Variants in PCDHA6 observed in about 807,000 individuals in gnomAD.
PCDHA6 encodes the protein protocadherin alpha-6.
Under a neutral mutation model 60.3 loss-of-function variants are expected in PCDHA6, and 55 were observed. That is an observed-to-expected ratio of 0.91 (90% confidence interval 0.73 to 1.14). PCDHA6 has a LOEUF of 1.14. PCDHA6 is among the 50% of genes most tolerant of loss of function. PCDHA6 has a pLI of 0.00. For synonymous variants in PCDHA6, 652 were observed against 557.9 expected, an observed-to-expected ratio of 1.17 and a Z score of -2.38; for missense variants, 1,327 against 1,256.5, an observed-to-expected ratio of 1.06 and a Z score of -0.85.
At position 140,830,439 on chromosome 5, in the gene PCDHA6, TGG is replaced by T. The variant is rs1771067037; in HGVS notation, c.2350_2351del (p.Gly784Ter). 1 of 1,611,042 alleles carries T rather than the reference TGG, an allele frequency of 6.2e-7. No individual in the cohort carries two copies. On this transcript the variant is annotated frameshift_variant, in exon 1 of 4. Transcript: ENST00000529310. LOFTEE classifies it high-confidence loss of function. The stretch of plus-strand genomic sequence containing the variant: ...AGCCTTTCACCTTGTCCTATTATGA[TGG>T]GTAAGGCGGAGAATCAGGATTTAAA...
At chr5:140,875,662 T>C (rs782787124) in intron 1 of PCDHA6, 32 of 1,613,752 alleles carry the variant, frequency 2.0e-5, no homozygotes, top group Non-Finnish European at 2.6e-5. Context: ...GCCGCGCCTG[T>C]TCCGGGTGGC....
intron 1 of PCDHA6, 60 bp downstream of exon 1, chr5:140,830,545 CAT>C: frequency 8.7e-7 from 1 of 1,153,858 alleles, no homozygotes; most frequent in Non-Finnish European, 1.2e-6. Context: ...TTGTTTTCCT[CAT>C]ATTTGTCTTC....
chr5:140,893,863 A>G (rs568224949), intron 1 of PCDHA6, among the ~76,000 whole-genome samples: 1 of 152,300 alleles, frequency 6.6e-6, no homozygotes, highest in African/African-American at 2.4e-5. Context: ...GTATAGAAAC[A>G]ACCCAGATCC....
intron 1 of PCDHA6, among the ~76,000 whole-genome samples, chr5:140,943,736 A>G (rs913454195): frequency 3.3e-5 from 5 of 152,266 alleles, no homozygotes; most frequent in Non-Finnish European, 7.3e-5. Context: ...ATGAAAGTCC[A>G]CAGTCTAAAA....
chr5:141,000,403 A>C (rs1233777704), intron 3 of PCDHA6, among the ~76,000 whole-genome samples: 120 of 84,052 alleles, frequency 1.4e-3, no homozygotes, highest in East Asian at 4.6e-3. Context: ...CTCTATATAT[A>C]TATATATATA....
In PCDHA6 at chr5:140,829,500, CG is replaced by C. The variant is rs1562307699; in HGVS notation, c.1412del (p.Gly471AlafsTer58). ...YTVFVKENNP[P>X]GCHIFTVSAR... is the part of the protein sequence containing the mutation. ...GTGTTCGTGAAGGAGAACAACCCGC[CG>C]GGCTGCCACATCTTCACGGTGTCTG... On this transcript the variant is annotated frameshift_variant, in exon 1 of 4. Transcript: ENST00000529310. LOFTEE classifies it high-confidence loss of function. 6.2e-7 allele frequency: 1 copy of C among 1,613,600 alleles called. No homozygotes were observed. Among genetic ancestry groups the C allele is most frequent in the African/African-American group, 1.3e-5 (1 of 75,056 alleles).
intron 1 of PCDHA6, chr5:140,848,507 A>G: frequency 1.3e-6 from 2 of 1,588,934 alleles, no homozygotes. Flanking sequence ...TGTTATACTC[A>G]AGTCGAGGAG....
intron 1 of PCDHA6, among the ~76,000 whole-genome samples, chr5:140,893,884 G>T (rs189719076): frequency 6.6e-6 from 1 of 152,296 alleles, no homozygotes; most frequent in Non-Finnish European, 1.5e-5. Flanking sequence ...AAAGTGGCCA[G>T]AAAGTTACTT....
intron 1 of PCDHA6, among the ~76,000 whole-genome samples, chr5:140,872,352 C>T (rs568415263): frequency 7.2e-5 from 11 of 152,170 alleles, no homozygotes; most frequent in African/African-American, 2.7e-4. Context: ...TCTTGCCAGG[C>T]AAAGTGGTTC....
intron 1 of PCDHA6, among the ~76,000 whole-genome samples, chr5:140,911,000 C>T (rs139648608): frequency 1.9e-3 from 291 of 152,218 alleles, no homozygotes; most frequent in African/African-American, 6.7e-3. Context: ...ACCCCTAGGG[C>T]CCTCCTGGGA....
At chr5:140,965,033 T>C (rs1563339344) in intron 1 of PCDHA6, among the ~76,000 whole-genome samples, 2 of 152,192 alleles carry the variant, frequency 1.3e-5, no homozygotes, top group African/African-American at 4.8e-5. Flanking sequence ...CCTTTAACTG[T>C]CCGCTCTAGG....
intron 1 of PCDHA6, among the ~76,000 whole-genome samples, chr5:140,909,546 A>T (rs1322878685): frequency 6.6e-6 from 1 of 152,180 alleles, no homozygotes; most frequent in African/African-American, 2.4e-5. Flanking sequence ...TGATGGTGGC[A>T]CTAATCTCTG....
chr5:140,999,747 C>T (rs2097874058), intron 3 of PCDHA6, among the ~76,000 whole-genome samples: 1 of 152,008 alleles, frequency 6.6e-6, no homozygotes, highest in East Asian at 1.9e-4. Flanking sequence ...AATCTGGGTT[C>T]GCAGCACATG....
chr5:140,974,884 T>A (rs1485443373), intron 1 of PCDHA6, among the ~76,000 whole-genome samples: 1 of 152,240 alleles, frequency 6.6e-6, no homozygotes, highest in Non-Finnish European at 1.5e-5. Context: ...TATGTATCCC[T>A]TTTCTGATGA....
intron 1 of PCDHA6, among the ~76,000 whole-genome samples, chr5:140,948,945 A>C: frequency 6.6e-6 from 1 of 151,662 alleles, no homozygotes; most frequent in East Asian, 1.9e-4. Flanking sequence ...TCTAATATAA[A>C]AAAATTAAAG....
intron 1 of PCDHA6, chr5:140,836,151 G>C: frequency 6.2e-7 from 1 of 1,613,828 alleles, no homozygotes. Context: ...CGCGGGCCAT[G>C]TGGTGGCGAA....
At chr5:140,998,125 A>G (rs2097797565) in intron 3 of PCDHA6, among the ~76,000 whole-genome samples, 1 of 152,222 alleles carries the variant, frequency 6.6e-6, no homozygotes. Flanking sequence ...CTTGTGAATC[A>G]TAATAGCTAA....
At position 140,849,783 on chromosome 5, in the gene PCDHA6, G is replaced by C. The variant is rs2150449806; in HGVS notation, c.2394+19298G>C. ...CGAGCTGGTGGTTACCGCGCGGGAC[G>C]GGGGCTCGCCTTCACTGTGGGCCAC... On this transcript the variant is annotated intron_variant, in intron 1 of 3. Transcript: ENST00000529310. 832,668 of 1,597,604 alleles carry C rather than the reference G, an allele frequency of 0.52. 253,297 individuals carry two copies. The highest frequency in any genetic ancestry group is 0.62 in the South Asian group (55,951 of 90,512).
At chr5:140,912,511 T>C (rs2075947919) in intron 1 of PCDHA6, among the ~76,000 whole-genome samples, 1 of 152,158 alleles carries the variant, frequency 6.6e-6, no homozygotes, top group Non-Finnish European at 1.5e-5. Context: ...TGGATGAATC[T>C]TTAGGGTTTT....
Sources: allele counts gnomAD v4.1 joint callset (sites outside exome capture counted in the v4.1 genomes callset), GRCh38; gene constraint gnomAD v4.1.1; transcripts MANE v1.5; gene names NCBI Gene and HGNC (gene_info 2026-07-23, HGNC 2026-07-21).